Variants in U2SURP observed in about 807,000 individuals in gnomAD.
U2SURP encodes U2 snRNP associated SURP domain containing.
U2SURP carries 9 observed loss-of-function variants against 144.9 expected under a neutral mutation model. The observed-to-expected ratio is 0.06, with a 90% CI of 0.04 to 0.11. U2SURP has a LOEUF of 0.11. Ranked by LOEUF, U2SURP falls within the 10% of genes least tolerant of loss-of-function variation. The pLI, the probability that U2SURP is intolerant of heterozygous loss-of-function variation, is 1.00. For missense variants in U2SURP, 724 were observed against 1,226.7 expected, an observed-to-expected ratio of 0.59 and a Z score of 6.12; for synonymous variants, 408 against 396.8, an observed-to-expected ratio of 1.03 and a Z score of -0.33.
rs78856040 is a variant in U2SURP, at chr3:143,045,528, A to G, written c.2544+2252A>G. Among the ~76,000 whole-genome samples, 982 of 152,286 alleles carry G rather than the reference A, an allele frequency of 6.4e-3. 9 individuals are homozygous for G. The highest frequency in any genetic ancestry group is 0.022 in the African/African-American group (929 of 41,554). ...GTTTAGTATGTTCTGTTTCCTTATT[A>G]ACTTAAAGAGAGGAAAGCATGTAAT... On this transcript the variant is annotated intron_variant, in intron 24 of 27. Coordinates refer to ENST00000473835, the MANE Select transcript of U2SURP (RefSeq NM_001080415.2).
At chr3:143,034,784 T>G in intron 18 of U2SURP, 104 bp from the exon 19 acceptor site, 1 of 666,894 alleles carries the variant, frequency 1.5e-6, no homozygotes, top group Non-Finnish European at 2.5e-6. Context: ...ATTTCTTGAT[T>G]TGTAAGTATT....
intron 23 of U2SURP, among the ~76,000 whole-genome samples, chr3:143,042,081 A>G (rs1207135176): frequency 1.3e-5 from 2 of 151,996 alleles, no homozygotes; most frequent in Non-Finnish European, 2.9e-5. Context: ...AGCATTGATG[A>G]CCAGCTTTAC....
chr3:143,013,874 AT>A (rs1226588271), intron 3 of U2SURP, among the ~76,000 whole-genome samples: 1 of 152,062 alleles, frequency 6.6e-6, no homozygotes, highest in Non-Finnish European at 1.5e-5. Flanking sequence ...GATTTATAAT[AT>A]GTAAAATGAG....
At chr3:143,018,837 A>T (rs1284069940) in intron 6 of U2SURP, among the ~76,000 whole-genome samples, 1 of 152,186 alleles carries the variant, frequency 6.6e-6, no homozygotes, top group East Asian at 1.9e-4. Context: ...AGGCAGGAGA[A>T]TCGCTTGAAC....
Position 143,056,355 on chromosome 3 carries a change from C to T in U2SURP, c.2995C>T (p.Arg999Trp), listed in dbSNP as rs749872187. ...SRTPKRSRRS[R>W]SRSPKKSGKK... ...GACACCTAAAAGGTCTAGGCGATCA[C>T]GGTCTAGATCTCCTAAAAAATCAGG... Residue 999 changes from arginine (R) to tryptophan (W), a missense_variant, in exon 28 of 28, where the codon CGG (arginine) becomes TGG (tryptophan). Coordinates refer to ENST00000473835, the MANE Select transcript of U2SURP (RefSeq NM_001080415.2). 4.7e-5 allele frequency: 76 copies of T among 1,611,414 alleles called. No homozygotes were observed. Among genetic ancestry groups the T allele is most frequent in the East Asian group, 6.7e-5 (3 of 44,840 alleles).
At chr3:143,036,962 A>T in intron 20 of U2SURP, 1 of 510,770 alleles carries the variant, frequency 2.0e-6, no homozygotes, top group Non-Finnish European at 3.4e-6. Flanking sequence ...TCATTGCCTC[A>T]CAAGGTACCT....
Position 143,033,094 on chromosome 3 carries a change from A to G in U2SURP, c.1773+148A>G, listed in dbSNP as rs891021739. ...TGCTTGGAAATTTAGGTTCATTAAC[A>G]TACAAGTTAACAAACAAGTTGAAAT... On this transcript the variant is annotated intron_variant, in intron 17 of 27. Transcript: ENST00000473835. 8.0e-6 allele frequency: 8 copies of G among 998,942 alleles called. No individual in the cohort carries two copies. The African/African-American group carries it at 1.3e-4, about 16-fold the overall frequency. The allele number at this position is 998,942 out of a possible 1,614,324, so 61.9% of individuals were successfully genotyped here. A position where few individuals can be genotyped will look rare whatever the true frequency, so the allele number is the denominator to read the frequency against.
intron 1 of U2SURP, among the ~76,000 whole-genome samples, chr3:143,009,207 T>A (rs1935995079): frequency 6.6e-6 from 1 of 152,192 alleles, no homozygotes; most frequent in Non-Finnish European, 1.5e-5. Context: ...ATACTAAAAA[T>A]TTTCTTTTAT....
At position 143,060,230 on chromosome 3, in the gene U2SURP, A is replaced by G. The variant is rs144530445; in HGVS notation, c.*3780A>G. The G allele has an allele frequency of 8.4e-4, 128 of 152,582 alleles. No homozygotes were observed. The highest frequency in any genetic ancestry group is 3.1e-3 in the African/African-American group (128 of 41,564). 9.5% of individuals were successfully genotyped at this position (152,582 alleles called of 1,614,324 possible). A position where few individuals can be genotyped will look rare whatever the true frequency, so the allele number is the denominator to read the frequency against. On this transcript the variant is annotated 3_prime_UTR_variant, in exon 28 of 28. Transcript: ENST00000473835. ...ATTTGTGTTTTATTCTTTTACTTCA[A>G]CGGGTTCTTGTCTGTTACATCTCTG...
chr3:143,049,090 G>C (rs1934701566), intron 24 of U2SURP, among the ~76,000 whole-genome samples: 1 of 140,446 alleles, frequency 7.1e-6, no homozygotes, highest in Non-Finnish European at 1.5e-5. Context: ...CCCTGTCTCT[G>C]CTTAAAAAAA....
intron 8 of U2SURP, among the ~76,000 whole-genome samples, chr3:143,021,097 A>G (rs1340962437): frequency 6.6e-6 from 1 of 152,174 alleles, no homozygotes; most frequent in Admixed American, 6.5e-5. Flanking sequence ...AGGCTGAGGC[A>G]GAAGGATTGC....
At chr3:143,034,791 TA>T in intron 18 of U2SURP, 96 bp from the exon 19 acceptor site, 1 of 695,428 alleles carries the variant, frequency 1.4e-6, no homozygotes, top group Admixed American at 2.9e-5. Context: ...GATTTGTAAG[TA>T]TTTTAAGTTC....
At chr3:143,022,476 A>ATCTTTTACCCTTT (rs750498394) in intron 10 of U2SURP, 21 bp from the exon 11 acceptor site, 3 of 1,455,448 alleles carry the variant, frequency 2.1e-6, no homozygotes. Context: ...CATAATAAAA[A>ATCTTTTACCCTTT]TCTTTTACCC....
At chr3:143,041,037 G>A (rs1934075560) in intron 23 of U2SURP, among the ~76,000 whole-genome samples, 1 of 151,286 alleles carries the variant, frequency 6.6e-6, no homozygotes, top group South Asian at 2.1e-4. Flanking sequence ...AACATACAAG[G>A]ATGTTTACCA....
Position 143,058,494 on chromosome 3 carries a change from G to A in U2SURP, c.*2044G>A, listed in dbSNP as rs1166343006. The A allele has an allele frequency of 2.0e-5, 3 of 151,912 alleles. No homozygotes were observed. Among genetic ancestry groups the A allele is most frequent in the African/African-American group, 7.2e-5 (3 of 41,486 alleles). 9.4% of individuals were successfully genotyped at this position (151,912 alleles called of 1,614,324 possible). On this transcript the variant is annotated 3_prime_UTR_variant, in exon 28 of 28. Coordinates refer to ENST00000473835, the MANE Select transcript of U2SURP (RefSeq NM_001080415.2). ...GTGAAACTGACTTTCTTTTGGTTGG[G>A]TGGGTGAGGATTTCTTAGGCCTGAT...
chr3:143,019,729 A>G (rs2042600706), intron 6 of U2SURP, among the ~76,000 whole-genome samples: 1 of 152,206 alleles, frequency 6.6e-6, no homozygotes, highest in African/African-American at 2.4e-5. Flanking sequence ...CTTCATGTTC[A>G]TTAATTTCCC....
At chr3:143,003,677 C>CTTTTTTTTTTTTTTTTTT (rs60505715) in intron 1 of U2SURP, among the ~76,000 whole-genome samples, 14 of 101,510 alleles carry the variant, frequency 1.4e-4, no homozygotes, top group African/African-American at 2.5e-4. Context: ...TATTTTATTT[C>CTTTTTTTTTTTTTTTTTT]TTTTTTTTTT....
At chr3:143,014,619 GTTTTGGCTATTTTCTAATCTATTCTT>G (rs1936271391) in intron 4 of U2SURP, among the ~76,000 whole-genome samples, 1 of 151,832 alleles carries the variant, frequency 6.6e-6, no homozygotes, top group African/African-American at 2.4e-5. Context: ...CTTTGTTATA[GTTTTGGCTATTTTCTAATCTATTCTT>G]TTTGTATAAG....
chr3:143,059,312 G>A lies in U2SURP; in HGVS notation c.*2862G>A, dbSNP rs574878137. 4 of 152,382 alleles carry A rather than the reference G, an allele frequency of 2.6e-5. No homozygotes were observed. In the East Asian group the frequency reaches 7.7e-4, roughly 29 times the overall value. The allele number at this position is 152,382 out of a possible 1,614,324, so 9.4% of individuals were successfully genotyped here. On this transcript the variant is annotated 3_prime_UTR_variant, in exon 28 of 28. Coordinates refer to ENST00000473835, the MANE Select transcript of U2SURP (RefSeq NM_001080415.2). ...TACACAGACCTGATTTTTCTTTATT[G>A]CAGACCATTCTTGTGGGCTTACCCT...
Sources: allele counts gnomAD v4.1 joint callset (sites outside exome capture counted in the v4.1 genomes callset), GRCh38; gene constraint gnomAD v4.1.1; transcripts MANE v1.5; gene names NCBI Gene and HGNC (gene_info 2026-07-23, HGNC 2026-07-21).